Variants in SDC3 observed in about 807,000 individuals in gnomAD.
The protein encoded by SDC3 is syndecan 3, also known as syndecan-3.
SDC3 carries 13 observed loss-of-function variants against 24.4 expected under a neutral mutation model. That is an observed-to-expected ratio of 0.53 (90% CI 0.35 to 0.85). The LOEUF (loss-of-function observed/expected upper bound fraction) is 0.85, where lower values mean the gene tolerates loss of function less well. Ranked by LOEUF, SDC3 falls within the 40% of genes least tolerant of loss-of-function variation. The probability of loss-of-function intolerance (pLI) is 0.01; values close to 1 mark genes in which losing one functional copy is unlikely to be tolerated. For synonymous variants in SDC3, 295 were observed against 260.9 expected (o/e 1.13, Z -1.26); for missense variants, 571 against 584.5 (o/e 0.98, Z 0.24).
intron 1 of SDC3, among the ~76,000 whole-genome samples, chr1:30,905,356 A>AACACAC (rs74721441): frequency 0.18 from 14,051 of 77,068 alleles, 1,429 homozygotes; most frequent in Non-Finnish European, 0.24. Context: ...CTCTCTCACA[A>AACACAC]ACACACACAC....
At position 30,877,175 on chromosome 1, in the gene SDC3, T is replaced by A; in HGVS notation, c.257-10A>T. ...GACTCCTGCTCGAAGTCTGAGGGGG[T>A]GGGGGAGAGGGAGAGAGCTAGGGAG... On this transcript the variant is annotated splice_polypyrimidine_tract_variant and intron_variant, in intron 2 of 4. Coordinates refer to ENST00000339394, the MANE Select transcript of SDC3 (RefSeq NM_014654.4). 6.2e-7 allele frequency: 1 copy of A among 1,610,242 alleles called. No homozygotes were observed. The highest frequency in any genetic ancestry group is 8.5e-7 in the Non-Finnish European group (1 of 1,178,842).
At chr1:30,876,192 T>C (rs977524569) in intron 3 of SDC3, among the ~76,000 whole-genome samples, 9 of 152,188 alleles carry the variant, frequency 5.9e-5, no homozygotes, top group African/African-American at 2.2e-4. Flanking sequence ...GGGACTGGCC[T>C]GAGGTCCCGT....
intron 1 of SDC3, among the ~76,000 whole-genome samples, chr1:30,905,356 AAC>A (rs74721441): frequency 0.016 from 1,241 of 77,158 alleles, 14 homozygotes; most frequent in Middle Eastern, 0.04. Context: ...CTCTCTCACA[AAC>A]ACACACACAC....
At chr1:30,894,017 A>C (rs891462620) in intron 1 of SDC3, among the ~76,000 whole-genome samples, 1 of 152,028 alleles carries the variant, frequency 6.6e-6, no homozygotes, top group African/African-American at 2.4e-5. Flanking sequence ...ATCACCTCTA[A>C]CGAGGCCAGA....
intron 1 of SDC3, among the ~76,000 whole-genome samples, chr1:30,881,789 G>A (rs1639749363): frequency 6.6e-6 from 1 of 152,182 alleles, no homozygotes; most frequent in Non-Finnish European, 1.5e-5. Flanking sequence ...TTCCACAGAT[G>A]CAGGAACTGA....
chr1:30,870,105 C>T lies in SDC3; in HGVS notation c.*3106G>A, dbSNP rs41269509. 6.3e-3 allele frequency: 2,498 copies of T among 393,402 alleles called. 24 individuals carry two copies. The highest frequency in any genetic ancestry group is 6.0e-3 in the Non-Finnish European group (1,338 of 223,306). 24.4% of individuals were successfully genotyped at this position (393,402 alleles called of 1,614,324 possible). On this transcript the variant is annotated 3_prime_UTR_variant, in exon 5 of 5. Coordinates refer to ENST00000339394, the MANE Select transcript of SDC3 (RefSeq NM_014654.4). Reference sequence around the variant, plus strand: ...AACACAGGAGGCAGCCACTCCTACCCCATGAGGCAGAGGGTCTGCTCCCTG... The same window carrying T: ...AACACAGGAGGCAGCCACTCCTACCTCATGAGGCAGAGGGTCTGCTCCCTG...
At chr1:30,901,732 G>C (rs1054797547) in intron 1 of SDC3, among the ~76,000 whole-genome samples, 1 of 151,824 alleles carries the variant, frequency 6.6e-6, no homozygotes, top group South Asian at 2.1e-4. Flanking sequence ...AGAAAACCCT[G>C]CTCCTCACCC....
At chr1:30,902,612 A>G (rs1374799296) in intron 1 of SDC3, among the ~76,000 whole-genome samples, 1 of 152,186 alleles carries the variant, frequency 6.6e-6, no homozygotes, top group African/African-American at 2.4e-5. Flanking sequence ...GGATGATGGG[A>G]GCAAGGGCCT....
Position 30,869,742 on chromosome 1 carries a change from G to A in SDC3, c.*3469C>T, listed in dbSNP as rs1419941966. The A allele has an allele frequency of 5.0e-6, 2 of 398,748 alleles. No individual in the cohort carries two copies. Among genetic ancestry groups the A allele is most frequent in the Non-Finnish European group, 4.4e-6 (1 of 226,216 alleles). The allele number at this position is 398,748 out of a possible 1,614,324, so 24.7% of individuals were successfully genotyped here. On this transcript the variant is annotated 3_prime_UTR_variant, in exon 5 of 5. Transcript: ENST00000339394. ...TACAGGGGAGAGAAGGGGCAGGGAA[G>A]GCCTGGGGGAGGGAATGGCAGACCC...
At chr1:30,881,956 T>C (rs1416809417) in intron 1 of SDC3, among the ~76,000 whole-genome samples, 2 of 152,124 alleles carry the variant, frequency 1.3e-5, no homozygotes, top group Non-Finnish European at 2.9e-5. Flanking sequence ...AACTCGGCAA[T>C]GCCCACAGCT....
intron 1 of SDC3, among the ~76,000 whole-genome samples, chr1:30,884,001 G>C (rs543135235): frequency 6.6e-6 from 1 of 152,272 alleles, no homozygotes; most frequent in Non-Finnish European, 1.5e-5. Context: ...GCAGGAATGT[G>C]GGCTGGGGCC....
intron 1 of SDC3, among the ~76,000 whole-genome samples, chr1:30,897,146 G>A (rs1638284986): frequency 6.6e-6 from 1 of 152,214 alleles, no homozygotes; most frequent in Admixed American, 6.5e-5. Context: ...GGACAGAGCA[G>A]AGACAAGTAC....
At chr1:30,895,419 A>C (rs1233793001) in intron 1 of SDC3, among the ~76,000 whole-genome samples, 2 of 152,210 alleles carry the variant, frequency 1.3e-5, no homozygotes, top group Non-Finnish European at 2.9e-5. Context: ...TCACATGAGA[A>C]TAGGATCCAG....
In SDC3 at chr1:30,874,599, G is replaced by T. The variant is rs745612317; in HGVS notation, c.871-11C>A. 1 of 1,612,070 alleles carries T rather than the reference G, an allele frequency of 6.2e-7. No individual in the cohort carries two copies. Among genetic ancestry groups the T allele is most frequent in the South Asian group, 1.1e-5 (1 of 90,752 alleles). ...CTCTGGAGTTGGGGTCTGCAGAGAG[G>T]GTGGCATGAGCCCAGGACAACCACA... On this transcript the variant is annotated splice_polypyrimidine_tract_variant and intron_variant, in intron 3 of 4. Coordinates refer to ENST00000339394, the MANE Select transcript of SDC3 (RefSeq NM_014654.4).
At position 30,874,480 on chromosome 1, in the gene SDC3, G is replaced by C; in HGVS notation, c.979C>G (p.Pro327Ala). ...GCTACCACCTCATTGGCTGTGTCTG[G>C]TTGTGTGGTCTCTTCTTCTGGCAGC... ...FELPEEETTQ[P>A]DTANEVVAVG... Residue 327 changes from proline (P) to alanine (A), a missense_variant, in exon 4 of 5, where the codon CCA (proline) becomes GCA (alanine). Coordinates refer to ENST00000339394, the MANE Select transcript of SDC3 (RefSeq NM_014654.4). The C allele has an allele frequency of 6.2e-7, 1 of 1,614,136 alleles. No homozygotes were observed. The highest frequency in any genetic ancestry group is 8.5e-7 in the Non-Finnish European group (1 of 1,180,012).
At chr1:30,900,259 A>G (rs1638386573) in intron 1 of SDC3, among the ~76,000 whole-genome samples, 1 of 152,190 alleles carries the variant, frequency 6.6e-6, no homozygotes, top group African/African-American at 2.4e-5. Flanking sequence ...CATGTTAAGC[A>G]CTTAGAACCA....
chr1:30,875,549 G>A (rs779299883), intron 3 of SDC3, among the ~76,000 whole-genome samples: 5 of 152,186 alleles, frequency 3.3e-5, no homozygotes, highest in Admixed American at 1.3e-4. Flanking sequence ...CAGCTGCAGA[G>A]GGCTCTGGCA....
At chr1:30,879,800 G>A (rs972374975) in intron 1 of SDC3, among the ~76,000 whole-genome samples, 1 of 152,174 alleles carries the variant, frequency 6.6e-6, no homozygotes, top group Non-Finnish European at 1.5e-5. Context: ...AAATGTGGGT[G>A]CCAAAACAAG....
At chr1:30,874,168 TC>T in intron 4 of SDC3, 128 bp downstream of exon 4, 1 of 724,246 alleles carries the variant, frequency 1.4e-6, no homozygotes, top group Non-Finnish European at 2.2e-6. Context: ...CAAGTTTCCT[TC>T]CTATCTGGCT....
Sources: allele counts gnomAD v4.1 joint callset (sites outside exome capture counted in the v4.1 genomes callset), GRCh38; gene constraint gnomAD v4.1.1; transcripts MANE v1.5; gene names NCBI Gene and HGNC (gene_info 2026-07-23, HGNC 2026-07-21).